Variants in ANO2 observed in about 807,000 individuals in gnomAD.
ANO2 encodes the protein anoctamin 2.
A neutral mutation model predicts 124.2 loss-of-function variants in ANO2; 101 were observed. The ratio of observed to expected loss-of-function variants is 0.81; its 90% CI spans 0.69 to 0.96. The LOEUF (loss-of-function observed/expected upper bound fraction) is 0.96. ANO2 is among the 40% of genes least tolerant of loss of function. ANO2 has a pLI of 0.00. For synonymous variants in ANO2, 486 were observed against 482.5 expected, an observed-to-expected ratio of 1.01 and a Z score of -0.09; for missense variants, 1,293 against 1,274.5, an observed-to-expected ratio of 1.01 and a Z score of -0.22.
At chr12:5,641,245 G>A (rs1946376485) in intron 15 of ANO2, among the ~76,000 whole-genome samples, 1 of 151,754 alleles carries the variant, frequency 6.6e-6, no homozygotes, top group East Asian at 1.9e-4. Flanking sequence ...GCAGGGGGAG[G>A]GATAGCATTA....
chr12:5,873,950 G>C (rs1937916894), intron 3 of ANO2, among the ~76,000 whole-genome samples: 1 of 152,206 alleles, frequency 6.6e-6, no homozygotes, highest in Non-Finnish European at 1.5e-5. Flanking sequence ...CCAACCAAGA[G>C]ACGCGCAGAG....
chr12:5,713,953 G>A (rs1435207209), intron 14 of ANO2, among the ~76,000 whole-genome samples: 1 of 152,162 alleles, frequency 6.6e-6, no homozygotes, highest in Non-Finnish European at 1.5e-5. Flanking sequence ...CTCCACTTCT[G>A]CCAGAGAAAG....
intron 3 of ANO2, among the ~76,000 whole-genome samples, chr12:5,874,785 G>A (rs145589410): frequency 4.6e-5 from 7 of 152,168 alleles, no homozygotes; most frequent in East Asian, 3.8e-4. Flanking sequence ...TAGAGTCCAC[G>A]TCTTTTTTTA....
chr12:5,563,718 T>C (rs891648955), intron 24 of ANO2, 150 bp from the exon 25 acceptor site: 1 of 1,062,236 alleles, frequency 9.4e-7, no homozygotes, highest in East Asian at 2.4e-5. Context: ...TACCTTGGTG[T>C]CCTCACCCAT....
At chr12:5,657,492 A>ATTTTT (rs58508961) in intron 14 of ANO2, among the ~76,000 whole-genome samples, 2 of 146,980 alleles carry the variant, frequency 1.4e-5, no homozygotes, top group African/African-American at 5.0e-5. Context: ...ATACTTTTCC[A>ATTTTT]TTTTTTTTTT....
chr12:5,614,196 G>T (rs1450912002), intron 17 of ANO2, among the ~76,000 whole-genome samples: 1 of 152,186 alleles, frequency 6.6e-6, no homozygotes, highest in African/African-American at 2.4e-5. Context: ...CAGACTGACT[G>T]TAAAATAAAG....
chr12:5,756,838 G>A (rs1011044993), intron 10 of ANO2, among the ~76,000 whole-genome samples: 1 of 152,256 alleles, frequency 6.6e-6, no homozygotes, highest in Non-Finnish European at 1.5e-5. Flanking sequence ...GAGCAGGGCT[G>A]CCCCTGGGTC....
chr12:5,728,826 A>G (rs907105691), intron 14 of ANO2, among the ~76,000 whole-genome samples: 4 of 152,238 alleles, frequency 2.6e-5, no homozygotes, highest in African/African-American at 9.6e-5. Context: ...ATGTCCAGAA[A>G]TAAACTCTTA....
intron 14 of ANO2, among the ~76,000 whole-genome samples, chr12:5,712,749 CAAG>C (rs1949862599): frequency 1.3e-5 from 2 of 152,210 alleles, no homozygotes; most frequent in South Asian, 2.1e-4. Context: ...TTTTCTAGGA[CAAG>C]AAGGAGTGTG....
At chr12:5,707,618 C>T (rs939560976) in intron 14 of ANO2, among the ~76,000 whole-genome samples, 1 of 152,144 alleles carries the variant, frequency 6.6e-6, no homozygotes, top group Non-Finnish European at 1.5e-5. Flanking sequence ...AATGTGTTCC[C>T]AGCTTTCCCC....
chr12:5,767,236 T>A (rs770824593), intron 10 of ANO2, among the ~76,000 whole-genome samples: 3 of 152,176 alleles, frequency 2.0e-5, no homozygotes, highest in Non-Finnish European at 4.4e-5. Flanking sequence ...AGTAGTGTCA[T>A]GGGCAGGTGC....
In ANO2 at chr12:5,707,228, T is replaced by G. The variant is rs564456760; in HGVS notation, c.1545+25292A>C. On this transcript the variant is annotated intron_variant, in intron 14 of 24. Transcript: ENST00000682330. Reference sequence around the variant, plus strand: ...ACTCTCTCTCTCTCCTGCCGCCATATAAGATGTGCTTTGCCTCCCTTTCAC... The same window carrying G: ...ACTCTCTCTCTCTCCTGCCGCCATAGAAGATGTGCTTTGCCTCCCTTTCAC... Among the ~76,000 whole-genome samples the G allele has an allele frequency of 1.1e-4, 17 of 152,248 alleles. No homozygotes were observed. The South Asian group carries it at 3.5e-3, about 32-fold the overall frequency.
chr12:5,744,055 A>T, intron 12 of ANO2, 102 bp downstream of exon 12: 2 of 1,416,186 alleles, frequency 1.4e-6, no homozygotes, highest in Non-Finnish European at 9.7e-7. Context: ...GGAAGAAAAA[A>T]TGCGAAAGTA....
chr12:5,683,689 C>T (rs1948592633), intron 14 of ANO2, among the ~76,000 whole-genome samples: 1 of 152,018 alleles, frequency 6.6e-6, no homozygotes, highest in African/African-American at 2.4e-5. Context: ...TAGAGGAAAC[C>T]TGGTGCTGAA....
chr12:5,932,821 T>C (rs893542731), intron 1 of ANO2, among the ~76,000 whole-genome samples: 1 of 152,142 alleles, frequency 6.6e-6, no homozygotes, highest in East Asian at 1.9e-4. Flanking sequence ...GAAGGATCCA[T>C]GGAAGCAGAA....
At chr12:5,666,080 C>G (rs1310388275) in intron 14 of ANO2, among the ~76,000 whole-genome samples, 1 of 152,082 alleles carries the variant, frequency 6.6e-6, no homozygotes, top group Non-Finnish European at 1.5e-5. Flanking sequence ...GTAACCAGGG[C>G]CCTCTGGAAT....
intron 15 of ANO2, among the ~76,000 whole-genome samples, chr12:5,640,687 A>G (rs539785759): frequency 3.9e-5 from 6 of 152,312 alleles, no homozygotes; most frequent in Non-Finnish European, 4.4e-5. Flanking sequence ...ACCATCCCAC[A>G]CCAGTTAGAA....
At chr12:5,886,474 G>T (rs2137306353) in intron 3 of ANO2, among the ~76,000 whole-genome samples, 1 of 152,314 alleles carries the variant, frequency 6.6e-6, no homozygotes, top group Non-Finnish European at 1.5e-5. Context: ...AGATGAGTAA[G>T]TTCTAGAGTT....
rs12822483 is a variant in ANO2, at chr12:5,923,151, T to C, written c.23-347A>G. Among the ~76,000 whole-genome samples, 13 of 45,156 alleles carry C rather than the reference T, an allele frequency of 2.9e-4. 1 individual carries two copies. Among genetic ancestry groups the C allele is most frequent in the East Asian group, 4.5e-4 (1 of 2,202 alleles). The allele number at this position is 45,156 out of a possible 152,430, so 29.6% of individuals were successfully genotyped here. On this transcript the variant is annotated intron_variant, in intron 1 of 24. Transcript: ENST00000682330. ...ACCCACATACACACACATGCACACA[T>C]ACACACACGCATACACACACACGCA...
Sources: allele counts gnomAD v4.1 joint callset (sites outside exome capture counted in the v4.1 genomes callset), GRCh38; gene constraint gnomAD v4.1.1; transcripts MANE v1.5; gene names NCBI Gene and HGNC (gene_info 2026-07-23, HGNC 2026-07-21).